KLF12: variants seen among roughly 807,000 people sequenced by gnomAD.
KLF12 encodes the protein KLF transcription factor 12.
A neutral mutation model predicts 37.8 loss-of-function variants in KLF12; 9 were observed. That is an observed-to-expected ratio of 0.24 (90% CI 0.14 to 0.42). The LOEUF (loss-of-function observed/expected upper bound fraction) is 0.42, where lower values mean the gene tolerates loss of function less well. KLF12 is among the 10% of genes least tolerant of loss of function. KLF12 has a pLI of 1.00. For missense variants in KLF12, 411 were observed against 516.0 expected, an observed-to-expected ratio of 0.80 and a Z score of 1.97; for synonymous variants, 208 against 202.1, an observed-to-expected ratio of 1.03 and a Z score of -0.25.
chr13:73,787,210 C>CT (rs10615379), intron 5 of KLF12, among the ~76,000 whole-genome samples: 121 of 152,224 alleles, frequency 7.9e-4, no homozygotes, highest in Middle Eastern at 3.4e-3. Flanking sequence ...GGAGCACCTG[C>CT]TTTTTTGCCA....
chr13:74,176,393 T>C, the KLF12 span, among the ~76,000 whole-genome samples: 2 of 152,194 alleles, frequency 1.3e-5, no homozygotes, highest in African/African-American at 4.8e-5. Flanking sequence ...CTAGACATTA[T>C]CCCGGAAGAC....
intron 6 of KLF12, among the ~76,000 whole-genome samples, chr13:73,759,525 A>G (rs1227504560): frequency 6.6e-6 from 1 of 152,066 alleles, no homozygotes; most frequent in Non-Finnish European, 1.5e-5. Context: ...CATCCCATCA[A>G]TCTAATGGGA....
intron 5 of KLF12, among the ~76,000 whole-genome samples, chr13:73,795,567 A>G (rs1313635321): frequency 1.3e-5 from 2 of 152,248 alleles, no homozygotes; most frequent in Admixed American, 1.3e-4. Flanking sequence ...TGGATAAATC[A>G]GTAATGTTTA....
chr13:74,290,606 T>C, the KLF12 span, among the ~76,000 whole-genome samples: 1 of 152,244 alleles, frequency 6.6e-6, no homozygotes, highest in African/African-American at 2.4e-5. Flanking sequence ...CTGCCTCTTA[T>C]TATTTGCTGA....
At chr13:74,053,856 TTTA>T (rs2138611107) in intron 1 of KLF12, among the ~76,000 whole-genome samples, 1 of 152,136 alleles carries the variant, frequency 6.6e-6, no homozygotes, top group South Asian at 2.1e-4. Context: ...ATGTCTGCAT[TTTA>T]GTCACAATGA....
intron 1 of KLF12, among the ~76,000 whole-genome samples, chr13:74,133,315 GCCC>G (rs372154817): frequency 6.6e-6 from 1 of 150,622 alleles, no homozygotes; most frequent in Non-Finnish European, 1.5e-5. Flanking sequence ...ACTTCCACGA[GCCC>G]CCCCTCCCCC....
At chr13:74,227,905 T>G in the KLF12 span, among the ~76,000 whole-genome samples, 2 of 152,222 alleles carry the variant, frequency 1.3e-5, no homozygotes, top group African/African-American at 4.8e-5. Context: ...AGAAATGTTT[T>G]CAATTTTCTA....
chr13:74,129,322 G>A (rs915723101), intron 1 of KLF12, among the ~76,000 whole-genome samples: 1 of 151,896 alleles, frequency 6.6e-6, no homozygotes, highest in African/African-American at 2.4e-5. Context: ...CTCCCTTAAT[G>A]CAGAACCCAC....
In KLF12 at chr13:73,695,387, G is replaced by C; in HGVS notation, c.*103C>G. ...CTCTGGTTTCAGACATCGTGGGATG[G>C]TGATGCCCTTTTGTGTTAACACTGT... On this transcript the variant is annotated 3_prime_UTR_variant, in exon 8 of 8. Coordinates refer to ENST00000377669, the MANE Select transcript of KLF12 (RefSeq NM_007249.5). 2 of 1,105,430 alleles carry C rather than the reference G, an allele frequency of 1.8e-6. No homozygotes were observed. The highest frequency in any genetic ancestry group is 2.6e-6 in the Non-Finnish European group (2 of 758,546). 68.5% of individuals were successfully genotyped at this position (1,105,430 alleles called of 1,614,324 possible).
chr13:73,998,859 C>T (rs544626937), intron 1 of KLF12, among the ~76,000 whole-genome samples: 9 of 152,322 alleles, frequency 5.9e-5, no homozygotes, highest in African/African-American at 2.2e-4. Flanking sequence ...AATCTAAGTG[C>T]TACGTTTTCA....
the KLF12 span, among the ~76,000 whole-genome samples, chr13:74,271,665 A>C: frequency 3.3e-5 from 5 of 152,248 alleles, no homozygotes; most frequent in African/African-American, 4.8e-5. Context: ...AGCTAAAGAT[A>C]TATTGAACTA....
At chr13:73,747,005 T>C (rs1024157321) in intron 6 of KLF12, among the ~76,000 whole-genome samples, 5 of 152,012 alleles carry the variant, frequency 3.3e-5, no homozygotes, top group Non-Finnish European at 5.9e-5. Flanking sequence ...TTAGTAGAGA[T>C]GGGATTTCAC....
At chr13:73,981,492 G>A (rs1215650928) in intron 2 of KLF12, among the ~76,000 whole-genome samples, 1 of 151,920 alleles carries the variant, frequency 6.6e-6, no homozygotes, top group Admixed American at 6.5e-5. Context: ...ACAATGTCAA[G>A]TAAAAAAAGC....
At chr13:74,099,257 A>G (rs1876165111) in intron 1 of KLF12, among the ~76,000 whole-genome samples, 1 of 152,086 alleles carries the variant, frequency 6.6e-6, no homozygotes, top group African/African-American at 2.4e-5. Context: ...TGAGGTGGGA[A>G]GATCACCTGA....
At chr13:74,177,378 G>A in the KLF12 span, among the ~76,000 whole-genome samples, 1 of 152,158 alleles carries the variant, frequency 6.6e-6, no homozygotes, top group Non-Finnish European at 1.5e-5. Flanking sequence ...CATTTTATAA[G>A]TGCCTATTTT....
At chr13:74,023,921 G>A (rs145335121) in intron 1 of KLF12, among the ~76,000 whole-genome samples, 1 of 152,272 alleles carries the variant, frequency 6.6e-6, no homozygotes, top group East Asian at 1.9e-4. Flanking sequence ...TACAGCTAGG[G>A]TTAAGACAGT....
Position 73,953,789 on chromosome 13 carries a change from AAGAG to A in KLF12, c.34-9723_34-9720del, listed in dbSNP as rs1051322211. Among the ~76,000 whole-genome samples, 176 of 152,224 alleles carry A rather than the reference AAGAG, an allele frequency of 1.2e-3. 2 individuals carry two copies. Among genetic ancestry groups the A allele is most frequent in the African/African-American group, 4.1e-3 (170 of 41,544 alleles). On this transcript the variant is annotated intron_variant, in intron 2 of 7. Coordinates refer to ENST00000377669, the MANE Select transcript of KLF12 (RefSeq NM_007249.5). Reference sequence around the variant, plus strand: ...CATAGCCTGGAAAAAAATAGTGCTGAAGAGTTGGGAAAAATAAAAGAATGTATAG... The same window carrying A: ...CATAGCCTGGAAAAAAATAGTGCTGATTGGGAAAAATAAAAGAATGTATAG...
At chr13:73,914,766 G>C (rs1349860313) in intron 3 of KLF12, among the ~76,000 whole-genome samples, 1 of 152,084 alleles carries the variant, frequency 6.6e-6, no homozygotes, top group Non-Finnish European at 1.5e-5. Context: ...GTCTGGGTGG[G>C]GGGTGATGGG....
rs186660695 is a variant in KLF12 at position 74,078,105 on chromosome 13, C to A, written c.-32+55634G>T. ...AGTGGCTTTCTGACAAGAGTCCCAG[C>A]CAGCCAAACTGAAGGAAAGCAGTTA... is the stretch of plus-strand genomic sequence containing the variant. On this transcript the variant is annotated intron_variant, in intron 1 of 7. Coordinates refer to ENST00000377669, the MANE Select transcript of KLF12 (RefSeq NM_007249.5). 2.2e-3 allele frequency among the ~76,000 whole-genome samples: 336 copies of A among 152,244 alleles called. 4 individuals are homozygous for A. The highest frequency in any genetic ancestry group is 7.8e-3 in the African/African-American group (324 of 41,534).
Sources: gnomAD v4.1 joint callset for allele counts (sites outside exome capture counted in the v4.1 genomes callset) on GRCh38, gnomAD v4.1.1 for gene constraint, MANE v1.5 for transcripts, NCBI Gene and HGNC (gene_info 2026-07-23, HGNC 2026-07-21) for gene names.